The following BRWD1 variants were observed in gnomAD, a reference collection of about 807,000 sequenced individuals.
The protein encoded by BRWD1 is bromodomain and WD repeat domain containing 1.
Under a neutral mutation model 251.2 loss-of-function variants are expected in BRWD1, and 82 were observed. The ratio of observed to expected loss-of-function variants is 0.33; its 90% confidence interval spans 0.27 to 0.39. BRWD1 has a LOEUF of 0.39. Ranked by LOEUF, BRWD1 falls within the 10% of genes least tolerant of loss-of-function variation. The pLI is 1.00. For synonymous variants in BRWD1, 918 were observed against 902.8 expected, an observed-to-expected ratio of 1.02 and a Z score of -0.30; for missense variants, 2,233 against 2,711.6, an observed-to-expected ratio of 0.82 and a Z score of 3.92.
intron 22 of BRWD1, 118 bp downstream of exon 22, chr21:39,238,361 G>T: frequency 3.1e-6 from 2 of 646,116 alleles, no homozygotes; most frequent in Non-Finnish European, 5.3e-6. Context: ...CTCCTTTTAA[G>T]TGTATTAAAA....
At chr21:39,185,295 T>TAAAAAAATAAAAAAAAAAAAAAAAAA (rs2031155580), downstream of BRWD1, 1 of 71,838 alleles carries the variant, frequency 1.4e-5, no homozygotes, top group Non-Finnish European at 2.8e-5. Context: ...CTGAAATTGC[T>TAAAAAAATAAAAAAAAAAAAAAAAAA]AAAAAAAAAA....
rs1375214514 is a variant in BRWD1, at chr21:39,193,023, G to GGCTT, written c.*3232_*3235dup. The GGCTT allele has an allele frequency of 1.0e-6, 1 of 984,910 alleles. No homozygotes were observed. The allele number at this position is 984,910 out of a possible 1,614,324, so 61.0% of individuals were successfully genotyped here. A position where few individuals can be genotyped will look rare whatever the true frequency, so the allele number is the denominator to read the frequency against. The stretch of plus-strand genomic sequence containing the variant: ...TTACGAGGTCATAACGAGTGCAAAG[G>GGCTT]GCTTAGTGATGCATCTTATTCTTTA... On this transcript the variant is annotated 3_prime_UTR_variant, in exon 41 of 41. Coordinates refer to ENST00000342449, the MANE Select transcript of BRWD1 (RefSeq NM_033656.4).
At position 39,192,324 on chromosome 21, in the gene BRWD1, TCA is replaced by T. The variant is rs1168547647; in HGVS notation, c.*3933_*3934del. ...TTAACATTTGCTAATCTAGTTGGAC[TCA>T]GTTTTTCCCACAATGCTCTATTTTC... On this transcript the variant is annotated 3_prime_UTR_variant, in exon 41 of 41. Transcript: ENST00000342449. The T allele has an allele frequency of 4.1e-6, 4 of 985,302 alleles. No individual in the cohort carries two copies. The highest frequency in any genetic ancestry group is 4.8e-6 in the Non-Finnish European group (4 of 829,834). 61.0% of individuals were successfully genotyped at this position (985,302 alleles called of 1,614,324 possible). A position where few individuals can be genotyped will look rare whatever the true frequency, so the allele number is the denominator to read the frequency against.
In BRWD1 at chr21:39,267,580, CAGAGAG is replaced by C. The variant is rs536424362; in HGVS notation, c.1530+2313_1530+2318del. Among the ~76,000 whole-genome samples, 622 of 152,114 alleles carry C rather than the reference CAGAGAG, an allele frequency of 4.1e-3. 3 individuals carry two copies. Among genetic ancestry groups the C allele is most frequent in the Non-Finnish European group, 7.4e-3 (506 of 67,980 alleles). On this transcript the variant is annotated intron_variant, in intron 15 of 40. Coordinates refer to ENST00000342449, the MANE Select transcript of BRWD1 (RefSeq NM_033656.4). ...CACCACTGCACTCCAGCCTGGGCGA[CAGAGAG>C]AGACTCTGTCTCAAACAAAACAATA...
Position 39,312,908 on chromosome 21 carries a change from GAC to G in BRWD1, c.139-10_139-9del. 2.1e-6 allele frequency: 3 copies of G among 1,459,988 alleles called. No homozygotes were observed. Among genetic ancestry groups the G allele is most frequent in the Non-Finnish European group, 2.8e-6 (3 of 1,090,798 alleles). The allele number at this position is 1,459,988 out of a possible 1,614,324, so 90.4% of individuals were successfully genotyped here. A position where few individuals can be genotyped will look rare whatever the true frequency, so the allele number is the denominator to read the frequency against. ...CAATCTCTTCGGCAACAACTGGAAA[GAC>G]ACGAAACGCACACGAGTGACCACCC... On this transcript the variant is annotated splice_polypyrimidine_tract_variant and intron_variant, in intron 3 of 40. Transcript: ENST00000342449.
chr21:39,211,031 CAT>C, intron 34 of BRWD1, 102 bp from the exon 35 acceptor site: 1 of 1,190,584 alleles, frequency 8.4e-7, no homozygotes, highest in Non-Finnish European at 1.2e-6. Context: ...ACAATAATGT[CAT>C]ATATGTTGCT....
chr21:39,207,856 T>A (rs1033730785), intron 36 of BRWD1, among the ~76,000 whole-genome samples: 6 of 152,224 alleles, frequency 3.9e-5, no homozygotes, highest in African/African-American at 1.4e-4. Context: ...ACAACATGCA[T>A]AAGCCTTTAA....
rs756308580 is a variant in BRWD1, at chr21:39,212,679, G to A, written c.3887C>T (p.Ser1296Phe). 50 of 1,578,408 alleles carry A rather than the reference G, an allele frequency of 3.2e-5. No individual in the cohort carries two copies. Among genetic ancestry groups the A allele is most frequent in the Non-Finnish European group, 4.3e-5 (49 of 1,151,536 alleles). Residue 1296 changes from serine (S) to phenylalanine (F), a missense_variant, in exon 34 of 41, where the codon TCT (serine) becomes TTT (phenylalanine). Physicochemically the swap from Ser to Phe is radical, Grantham distance 155. Around this residue, in one of 12 missense-constraint regions of BRWD1, gnomAD observed 167 missense variants for 183.2 expected, o/e 0.91. Transcript: ENST00000342449. ...AGAGTAACTTACTCTCCTCCTTCCA[G>A]AAGATGTTTTAGGAAGATCACTATC... ...LDDSDLPKTS[S>F]GRRRVHDGKK...
chr21:39,187,418 C>G lies in BRWD1; in HGVS notation c.*8841G>C, dbSNP rs2031302352. 6.5e-7 allele frequency: 1 copy of G among 1,542,560 alleles called. No individual in the cohort carries two copies. The highest frequency in any genetic ancestry group is 1.4e-5 in the African/African-American group (1 of 71,568). On this transcript the variant is annotated 3_prime_UTR_variant, in exon 41 of 41. Transcript: ENST00000342449. ...GGTTCTCTGTCTCTAGGAACAAATT[C>G]TGAAAAATGAGTGAAAGTTCATGTA... is the stretch of plus-strand genomic sequence containing the variant.
chr21:39,313,711 T>C (rs1377457559), upstream of BRWD1: 2 of 369,664 alleles, frequency 5.4e-6, no homozygotes, highest in Non-Finnish European at 9.7e-6. Context: ...GGCGGGGGTT[T>C]GCGCCAAGAG....
chr21:39,313,371 G>GAGCCGGGGGAGCCCGGGGAGCCGGGGA, intron 1 of BRWD1, 72 bp from the exon 2 acceptor site: 1 of 1,477,082 alleles, frequency 6.8e-7, no homozygotes, highest in Non-Finnish European at 9.0e-7. Flanking sequence ...GGAGCCGGGG[G>GAGCCGGGGGAGCCCGGGGAGCCGGGGA]AGCCCGGGGA....
chr21:39,257,455 C>T (rs2034596257), intron 18 of BRWD1, among the ~76,000 whole-genome samples: 1 of 152,032 alleles, frequency 6.6e-6, no homozygotes. Flanking sequence ...AGGCCTGAAG[C>T]TTTCCAAAGT....
intron 17 of BRWD1, among the ~76,000 whole-genome samples, chr21:39,259,768 C>G (rs2034680781): frequency 6.6e-6 from 1 of 152,092 alleles, no homozygotes; most frequent in South Asian, 2.1e-4. Flanking sequence ...ACCCAGGAGG[C>G]GAAGGTTGCA....
intron 29 of BRWD1, among the ~76,000 whole-genome samples, chr21:39,223,275 A>T (rs1160441887): frequency 6.6e-6 from 1 of 152,158 alleles, no homozygotes; most frequent in East Asian, 1.9e-4. Context: ...AACTTTTTTT[A>T]AGTCTGAAAT....
At position 39,197,392 on chromosome 21, in the gene BRWD1, G is replaced by A. The variant is rs2146455850; in HGVS notation, c.5677C>T (p.Leu1893=). The part of the protein sequence containing the change: ...MKDSASQDNG[L]SRKISRKRVC... ...CTTTTCCTGGAAATTTTTCTGCTTA[G>A]TCCATTGTCTTGTGATGCAGAATCT... is the stretch of plus-strand genomic sequence containing the variant. Residue 1893 remains leucine, a synonymous_variant, in exon 41 of 41, where the codon CTA becomes TTA. Coordinates refer to ENST00000342449, the MANE Select transcript of BRWD1 (RefSeq NM_033656.4). 1 of 1,595,654 alleles carries A rather than the reference G, an allele frequency of 6.3e-7. No homozygotes were observed. The highest frequency in any genetic ancestry group is 8.5e-7 in the Non-Finnish European group (1 of 1,172,422).
Position 39,255,413 on chromosome 21 carries a change from G to GA in BRWD1, c.2255+231dup, listed in dbSNP as rs1020652274. On this transcript the variant is annotated intron_variant, in intron 19 of 40. Transcript: ENST00000342449. ...CGCAACGAGAGCGAAACTCCGTCTCGAAAAAAAAAAAGAAAAGAAGCAAGA... is the reference window on the plus strand; with the variant it reads ...CGCAACGAGAGCGAAACTCCGTCTCGAAAAAAAAAAAAGAAAAGAAGCAAGA... Among the ~76,000 whole-genome samples, 105 of 142,164 alleles carry GA rather than the reference G, an allele frequency of 7.4e-4. 1 individual carries two copies. Among genetic ancestry groups the GA allele is most frequent in the South Asian group, 1.8e-3 (8 of 4,514 alleles). The allele number at this position is 142,164 out of a possible 152,430, so 93.3% of individuals were successfully genotyped here.
At chr21:39,288,893 A>T (rs1379609601) in intron 8 of BRWD1, among the ~76,000 whole-genome samples, 1 of 152,210 alleles carries the variant, frequency 6.6e-6, no homozygotes, top group Non-Finnish European at 1.5e-5. Flanking sequence ...GAGGTGGAAG[A>T]AAATCTATAT....
Position 39,187,292 on chromosome 21 carries a change from T to C in BRWD1, c.*8967A>G. 6.2e-7 allele frequency: 1 copy of C among 1,614,058 alleles called. No homozygotes were observed. Among genetic ancestry groups the C allele is most frequent in the Non-Finnish European group, 8.5e-7 (1 of 1,179,940 alleles). On this transcript the variant is annotated 3_prime_UTR_variant, in exon 41 of 41. Coordinates refer to ENST00000342449, the MANE Select transcript of BRWD1 (RefSeq NM_033656.4). The stretch of plus-strand genomic sequence containing the variant: ...TTATTTGCAGCAACAGTAGCACATC[T>C]GCGGGGAACTTTCTCAGGTACCATT...
At chr21:39,237,186 T>G (rs1243680657) in intron 22 of BRWD1, among the ~76,000 whole-genome samples, 1 of 151,894 alleles carries the variant, frequency 6.6e-6, no homozygotes, top group East Asian at 1.9e-4. Context: ...GAAGCTGAGG[T>G]ATAGACCAGG....
Sources: allele counts gnomAD v4.1 joint callset (sites outside exome capture counted in the v4.1 genomes callset), GRCh38; gene constraint gnomAD v4.1.1; regional missense constraint gnomAD v4.1.1; transcripts MANE v1.5; gene names NCBI Gene and HGNC (gene_info 2026-07-23, HGNC 2026-07-21).